RABEPK: variants seen among roughly 807,000 people sequenced by gnomAD.
The protein encoded by RABEPK is 40 kDa Rab9 effector protein.
RABEPK carries 27 observed loss-of-function variants against 34.1 expected under a neutral mutation model. That is an observed-to-expected ratio of 0.79 (90% CI 0.58 to 1.09). RABEPK has a LOEUF of 1.09. Ranked by LOEUF, RABEPK falls within the 50% of genes least tolerant of loss-of-function variation. The pLI, the probability that RABEPK is intolerant of heterozygous loss-of-function variation, is 0.00. For missense variants in RABEPK, 449 were observed against 462.6 expected (o/e 0.97, Z 0.27); for synonymous variants, 172 against 169.2 (o/e 1.02, Z -0.13).
At chr9:125,217,337 GAAATA>G (rs1244380458) in intron 4 of RABEPK, among the ~76,000 whole-genome samples, 4 of 152,148 alleles carry the variant, frequency 2.6e-5, no homozygotes, top group African/African-American at 7.2e-5. Flanking sequence ...GGTATCCATT[GAAATA>G]AAATAAAGTG....
intron 5 of RABEPK, among the ~76,000 whole-genome samples, chr9:125,224,592 G>A (rs1409648103): frequency 6.6e-6 from 1 of 151,640 alleles, no homozygotes; most frequent in Non-Finnish European, 1.5e-5. Context: ...AGCTTGGACT[G>A]CAGGCACATG....
At chr9:125,207,466 G>C (rs1830296584) in intron 2 of RABEPK, 98 bp from the exon 3 acceptor site, 2 of 1,289,862 alleles carry the variant, frequency 1.6e-6, no homozygotes, top group Non-Finnish European at 2.2e-6. Context: ...TCTGCATAAG[G>C]CTCTTCATTC....
intron 5 of RABEPK, among the ~76,000 whole-genome samples, chr9:125,226,011 G>A (rs1046266611): frequency 1.9e-4 from 28 of 151,100 alleles, no homozygotes; most frequent in African/African-American, 5.6e-4. Context: ...TTAGCTGGGC[G>A]TGGTGGTGCA....
intron 4 of RABEPK, among the ~76,000 whole-genome samples, chr9:125,215,010 A>T (rs1588361393): frequency 6.6e-6 from 1 of 151,750 alleles, no homozygotes; most frequent in Non-Finnish European, 1.5e-5. Context: ...GGCTGGTCTC[A>T]AATTCTTGAT....
Position 125,219,882 on chromosome 9 carries a change from G to A in RABEPK, c.365-657G>A, listed in dbSNP as rs547086222. On this transcript the variant is annotated intron_variant, in intron 4 of 7. Transcript: ENST00000373538. ...TTTTCTGGGAAATCTGGCACACCTG[G>A]ACTCTGGCATCTAGTGGGAATGAAT... Among the ~76,000 whole-genome samples the A allele has an allele frequency of 7.2e-5, 11 of 152,222 alleles. No individual in the cohort carries two copies. In the South Asian group the frequency reaches 2.3e-3, roughly 32 times the overall value.
At chr9:125,206,508 A>G (rs78267708) in intron 2 of RABEPK, among the ~76,000 whole-genome samples, 8 of 151,936 alleles carry the variant, frequency 5.3e-5, no homozygotes, top group South Asian at 2.1e-4. Flanking sequence ...AAAAAAAAAA[A>G]AGAGAGAGAG....
At chr9:125,210,894 G>A (rs1417041227) in intron 3 of RABEPK, among the ~76,000 whole-genome samples, 1 of 144,430 alleles carries the variant, frequency 6.9e-6, no homozygotes, top group Non-Finnish European at 1.5e-5. Flanking sequence ...CTGGAGTGCA[G>A]AGGCACGATC....
chr9:125,215,281 TTTG>T (rs1337395023), intron 4 of RABEPK, among the ~76,000 whole-genome samples: 2 of 60,370 alleles, frequency 3.3e-5, no homozygotes, highest in African/African-American at 2.1e-4. Context: ...ATATCATTTG[TTTG>T]TTTTTTTTGG....
chr9:125,218,431 C>G (rs975671847), intron 4 of RABEPK, among the ~76,000 whole-genome samples: 6 of 150,996 alleles, frequency 4.0e-5, no homozygotes, highest in Non-Finnish European at 4.4e-5. Flanking sequence ...GCTTCAGTTT[C>G]CTCATCTAAA....
chr9:125,216,932 A>G (rs1564184402), intron 4 of RABEPK, among the ~76,000 whole-genome samples: 2 of 150,494 alleles, frequency 1.3e-5, no homozygotes. Context: ...GCGCCACTGC[A>G]CTCCAGCCTG....
intron 6 of RABEPK, 126 bp from the exon 7 acceptor site, chr9:125,232,470 C>A: frequency 1.9e-6 from 2 of 1,072,142 alleles, no homozygotes; most frequent in Non-Finnish European, 2.6e-6. Context: ...TTCTTATGTG[C>A]ACTAAACCTC....
Position 125,207,730 on chromosome 9 carries a change from A to G in RABEPK, c.211+9A>G. The G allele has an allele frequency of 3.7e-6, 6 of 1,613,988 alleles. No homozygotes were observed. The highest frequency in any genetic ancestry group is 5.1e-6 in the Non-Finnish European group (6 of 1,179,882). ...GCACACCATGGATCTGGGTAAGATC[A>G]GCAGCTGCAGAGTACATGCCCTATG... On this transcript the variant is annotated intron_variant, in intron 3 of 7. Transcript: ENST00000373538.
At chr9:125,204,912 C>G (rs935076649) in intron 2 of RABEPK, among the ~76,000 whole-genome samples, 1 of 152,144 alleles carries the variant, frequency 6.6e-6, no homozygotes, top group Non-Finnish European at 1.5e-5. Flanking sequence ...ATTATAGCCT[C>G]GACCTCCTGG....
At chr9:125,204,952 C>T (rs1252152389) in intron 2 of RABEPK, among the ~76,000 whole-genome samples, 1 of 152,142 alleles carries the variant, frequency 6.6e-6, no homozygotes, top group Non-Finnish European at 1.5e-5. Flanking sequence ...CTCCATCTCC[C>T]AAGTAACTGG....
At position 125,220,548 on chromosome 9, in the gene RABEPK, C is replaced by T. The variant is rs144370574; in HGVS notation, c.374C>T (p.Thr125Met). The T allele has an allele frequency of 2.5e-5, 41 of 1,613,298 alleles. No homozygotes were observed. The highest frequency in any genetic ancestry group is 1.7e-4 in the Middle Eastern group (1 of 6,058). ...CLQVLNPETR[T>M]WTTPEVTSPP... ...ATTCTCTCTGGCCCAGAAACCAGGA[C>T]GTGGACCACGCCAGAAGTGACCAGC... Residue 125 changes from threonine (T) to methionine (M), a missense_variant, in exon 5 of 8, where the codon ACG (threonine) becomes ATG (methionine). Physicochemically the swap from Thr to Met is moderately conservative, Grantham distance 81. Coordinates refer to ENST00000373538, the MANE Select transcript of RABEPK (RefSeq NM_005833.4).
At chr9:125,228,295 C>T (rs1426746278) in intron 6 of RABEPK, among the ~76,000 whole-genome samples, 3 of 152,016 alleles carry the variant, frequency 2.0e-5, no homozygotes, top group Non-Finnish European at 2.9e-5. Flanking sequence ...GATGGGGTCT[C>T]ACCATGTTGC....
intron 5 of RABEPK, among the ~76,000 whole-genome samples, chr9:125,222,911 A>T (rs1341969592): frequency 1.3e-5 from 2 of 152,044 alleles, no homozygotes; most frequent in Non-Finnish European, 2.9e-5. Context: ...GCCTCAAGTG[A>T]TCCTTCAGCT....
intron 5 of RABEPK, among the ~76,000 whole-genome samples, chr9:125,223,725 T>TAA (rs35661565): frequency 4.2e-5 from 5 of 119,738 alleles, no homozygotes; most frequent in African/African-American, 1.3e-4. Flanking sequence ...ACCCTGACTC[T>TAA]AAAAAAAAAA....
intron 2 of RABEPK, among the ~76,000 whole-genome samples, chr9:125,205,867 T>C (rs1830193523): frequency 6.6e-6 from 1 of 152,136 alleles, no homozygotes. Flanking sequence ...CACTGATGAA[T>C]ATATAGATGA....
Sources: allele counts gnomAD v4.1 joint callset (sites outside exome capture counted in the v4.1 genomes callset), GRCh38; gene constraint gnomAD v4.1.1; transcripts MANE v1.5; gene names NCBI Gene and HGNC (gene_info 2026-07-23, HGNC 2026-07-21).